Variants in CNTNAP5 observed in about 807,000 individuals in gnomAD.
CNTNAP5 encodes contactin associated protein family member 5, also known as contactin-associated protein-like 5.
A neutral mutation model predicts 150.2 loss-of-function variants in CNTNAP5; 72 were observed. That is an observed-to-expected ratio of 0.48 (90% confidence interval 0.40 to 0.58). CNTNAP5 has a LOEUF of 0.58. CNTNAP5 is among the 20% of genes least tolerant of loss of function. The probability of loss-of-function intolerance (pLI) is 0.00; values close to 1 mark genes in which losing one functional copy is unlikely to be tolerated. For missense variants in CNTNAP5, 1,636 were observed against 1,626.2 expected (o/e 1.01, Z -0.10); for synonymous variants, 672 against 619.8 (o/e 1.08, Z -1.25).
At chr2:124,748,825 C>A (rs975018229) in intron 14 of CNTNAP5, among the ~76,000 whole-genome samples, 2 of 152,088 alleles carry the variant, frequency 1.3e-5, no homozygotes, top group Non-Finnish European at 2.9e-5. Context: ...CTCAAGCTGG[C>A]CGAAGTTATA....
chr2:124,802,989 C>A (rs978025454), intron 19 of CNTNAP5, among the ~76,000 whole-genome samples: 3 of 151,786 alleles, frequency 2.0e-5, no homozygotes, highest in Non-Finnish European at 4.4e-5. Context: ...GTGGCGGGTG[C>A]CTTTAGTCCC....
chr2:124,071,136 T>G (rs1682293444), intron 1 of CNTNAP5, among the ~76,000 whole-genome samples: 1 of 151,978 alleles, frequency 6.6e-6, no homozygotes, highest in Non-Finnish European at 1.5e-5. Flanking sequence ...AAAATTTTTT[T>G]GAAGCAAATG....
intron 1 of CNTNAP5, among the ~76,000 whole-genome samples, chr2:124,122,099 GA>G: frequency 6.6e-6 from 1 of 152,128 alleles, no homozygotes; most frequent in East Asian, 1.9e-4. Flanking sequence ...TGGTGGGCCA[GA>G]TTCATGGCTC....
At chr2:124,485,378 C>T (rs1276511780) in intron 7 of CNTNAP5, among the ~76,000 whole-genome samples, 1 of 151,980 alleles carries the variant, frequency 6.6e-6, no homozygotes, top group Non-Finnish European at 1.5e-5. Flanking sequence ...CTTTGGGAGG[C>T]CCAGGCGGGT....
intron 19 of CNTNAP5, among the ~76,000 whole-genome samples, chr2:124,842,683 TA>T (rs1369626009): frequency 6.6e-6 from 1 of 152,174 alleles, no homozygotes; most frequent in Non-Finnish European, 1.5e-5. Context: ...GTGCTTAGAA[TA>T]GAGCTGAATC....
intron 3 of CNTNAP5, among the ~76,000 whole-genome samples, chr2:124,345,159 G>C (rs919222992): frequency 1.3e-5 from 2 of 152,232 alleles, no homozygotes; most frequent in South Asian, 4.1e-4. Context: ...CAGTGTTACA[G>C]AGTCCTTTGT....
chr2:124,246,428 C>G (rs1687030697), intron 3 of CNTNAP5, among the ~76,000 whole-genome samples: 1 of 152,130 alleles, frequency 6.6e-6, no homozygotes, highest in Non-Finnish European at 1.5e-5. Context: ...GAAGGTGTGT[C>G]AGGGACAAAC....
At chr2:124,744,248 T>C (rs111521168) in intron 13 of CNTNAP5, among the ~76,000 whole-genome samples, 1 of 152,220 alleles carries the variant, frequency 6.6e-6, no homozygotes, top group African/African-American at 2.4e-5. Flanking sequence ...GATGATTTTA[T>C]AAGGGGTTTA....
At chr2:124,377,130 A>T (rs996093879) in intron 3 of CNTNAP5, among the ~76,000 whole-genome samples, 1 of 152,104 alleles carries the variant, frequency 6.6e-6, no homozygotes, top group Non-Finnish European at 1.5e-5. Context: ...CGTAGTTACC[A>T]CTAAGGTTTT....
intron 13 of CNTNAP5, among the ~76,000 whole-genome samples, chr2:124,653,157 A>C (rs1365835503): frequency 6.6e-6 from 1 of 152,190 alleles, no homozygotes; most frequent in Non-Finnish European, 1.5e-5. Flanking sequence ...CATTCCTATT[A>C]ATTCATTCAT....
chr2:124,214,066 A>T (rs1365059564), intron 1 of CNTNAP5, among the ~76,000 whole-genome samples: 3 of 152,212 alleles, frequency 2.0e-5, no homozygotes, highest in Admixed American at 2.0e-4. Context: ...GAGACTCTGA[A>T]ATGGACAAAA....
intron 3 of CNTNAP5, among the ~76,000 whole-genome samples, chr2:124,316,825 A>AAAAG (rs1354309068): frequency 4.7e-5 from 7 of 149,474 alleles, no homozygotes; most frequent in Admixed American, 1.3e-4. Context: ...AAAAAAAAAA[A>AAAAG]AAAGAAAAAG....
intron 1 of CNTNAP5, among the ~76,000 whole-genome samples, chr2:124,064,171 T>A (rs1385759482): frequency 6.6e-6 from 1 of 152,106 alleles, no homozygotes; most frequent in African/African-American, 2.4e-5. Context: ...ATATCTGAGA[T>A]CAAATCCCCC....
At chr2:124,791,198 G>T (rs1681720441) in intron 18 of CNTNAP5, among the ~76,000 whole-genome samples, 1 of 152,122 alleles carries the variant, frequency 6.6e-6, no homozygotes, top group Non-Finnish European at 1.5e-5. Flanking sequence ...GGGAAAAAAA[G>T]CACTCACTGT....
intron 3 of CNTNAP5, among the ~76,000 whole-genome samples, chr2:124,357,164 T>C (rs911247712): frequency 2.0e-5 from 3 of 152,194 alleles, no homozygotes; most frequent in Non-Finnish European, 4.4e-5. Flanking sequence ...TTTGTTTTTT[T>C]CTTGTAAATT....
At chr2:124,732,175 C>T (rs1289845451) in intron 13 of CNTNAP5, among the ~76,000 whole-genome samples, 4 of 151,864 alleles carry the variant, frequency 2.6e-5, no homozygotes, top group Non-Finnish European at 2.9e-5. Flanking sequence ...TGAGTGAGCT[C>T]AAGATAAAAT....
At chr2:124,564,685 T>C (rs923136598) in intron 11 of CNTNAP5, among the ~76,000 whole-genome samples, 1 of 152,162 alleles carries the variant, frequency 6.6e-6, no homozygotes, top group African/African-American at 2.4e-5. Flanking sequence ...TATAGTCTTA[T>C]TGAGACCACG....
chr2:124,214,377 G>A (rs1686101010), intron 1 of CNTNAP5, among the ~76,000 whole-genome samples: 1 of 152,086 alleles, frequency 6.6e-6, no homozygotes, highest in Admixed American at 6.6e-5. Context: ...CCCTCTTCTG[G>A]GTGTTCCCGC....
chr2:124,741,672 A>G (rs938453110), intron 13 of CNTNAP5, among the ~76,000 whole-genome samples: 3 of 152,158 alleles, frequency 2.0e-5, no homozygotes, highest in African/African-American at 4.8e-5. Flanking sequence ...TGGTCAGGAT[A>G]GTGTGGTTAT....
Sources: gnomAD v4.1 joint callset for allele counts (sites outside exome capture counted in the v4.1 genomes callset) on GRCh38, gnomAD v4.1.1 for gene constraint, MANE v1.5 for transcripts, NCBI Gene and HGNC (gene_info 2026-07-23, HGNC 2026-07-21) for gene names.